TVP23C: variants seen among roughly 807,000 people sequenced by gnomAD.
TVP23C encodes the protein trans-golgi network vesicle protein 23 homolog C.
In TVP23C, 19 loss-of-function variants were observed where a neutral mutation model predicts 28.7. The observed-to-expected ratio is 0.66, with a 90% CI of 0.46 to 0.97. TVP23C has a LOEUF of 0.97. Ranked by LOEUF, TVP23C falls within the 50% of genes least tolerant of loss-of-function variation. The probability of loss-of-function intolerance (pLI) is 0.00; values close to 1 mark genes in which losing one functional copy is unlikely to be tolerated. For missense variants in TVP23C, 186 were observed against 241.3 expected (o/e 0.77, Z 1.52); for synonymous variants, 68 against 81.7 (o/e 0.83, Z 0.90).
rs566704921 is a variant in TVP23C at position 15,558,069 on chromosome 17, G to T, written c.13-2705C>A. Reference sequence around the variant, plus strand: ...AAAAACAAACAAACAAACAAAAAAAGGCTGATACTTGGGTCCAGCCCTCAG... The same window carrying T: ...AAAAACAAACAAACAAACAAAAAAATGCTGATACTTGGGTCCAGCCCTCAG... On this transcript the variant is annotated intron_variant, in intron 1 of 5. Coordinates refer to ENST00000518321, the MANE Select transcript of TVP23C (RefSeq NM_001135036.2). 3.9e-4 allele frequency among the ~76,000 whole-genome samples: 58 copies of T among 149,276 alleles called. 6 individuals carry two copies. Among genetic ancestry groups the T allele is most frequent in the Non-Finnish European group, 6.6e-4 (44 of 66,746 alleles).
intron 1 of TVP23C, chr17:15,563,199 G>A (rs1486469774): frequency 1.6e-6 from 1 of 634,220 alleles, no homozygotes; most frequent in Non-Finnish European, 2.6e-6. Flanking sequence ...TTAACAATGG[G>A]CGTCCCCACA....
At chr17:15,536,051 G>A (rs991940647), downstream of TVP23C, among the ~76,000 whole-genome samples, 5 of 152,086 alleles carry the variant, frequency 3.3e-5, no homozygotes, top group Admixed American at 1.3e-4. Flanking sequence ...AATTAGCCAG[G>A]TGTAGTGGCA....
intron 5 of TVP23C, among the ~76,000 whole-genome samples, chr17:15,515,364 G>A (rs1026953463): frequency 6.6e-5 from 10 of 152,244 alleles, no homozygotes; most frequent in South Asian, 6.2e-4. Flanking sequence ...TCATGTAAGC[G>A]TCTGCTCCTG....
intron 5 of TVP23C, among the ~76,000 whole-genome samples, chr17:15,526,487 A>T (rs2938174): frequency 6.6e-6 from 1 of 152,224 alleles, no homozygotes; most frequent in Non-Finnish European, 1.5e-5. Flanking sequence ...CTGTGTCTAC[A>T]GTACCTGTCT....
chr17:15,539,586 G>C lies in TVP23C; in HGVS notation c.*826C>G. 8 of 951,570 alleles carry C rather than the reference G, an allele frequency of 8.4e-6. No individual in the cohort carries two copies. The highest frequency in any genetic ancestry group is 4.9e-5 in the South Asian group (1 of 20,440). 58.9% of individuals were successfully genotyped at this position (951,570 alleles called of 1,614,324 possible). ...CCACTGCACTCCAGCCTGGGCGACA[G>C]AGCAAGACTCCATCTCAAGAAAAAA... On this transcript the variant is annotated 3_prime_UTR_variant, in exon 6 of 6. Transcript: ENST00000518321.
At chr17:15,507,074 A>G in intron 5 of TVP23C, 1 of 1,174,648 alleles carries the variant, frequency 8.5e-7, no homozygotes, top group Admixed American at 1.7e-5. Context: ...TTCACATGCC[A>G]TAATGGCACT....
At chr17:15,519,628 T>C (rs761371858) in intron 5 of TVP23C, among the ~76,000 whole-genome samples, 25 of 152,132 alleles carry the variant, frequency 1.6e-4, no homozygotes, top group Non-Finnish European at 3.4e-4. Flanking sequence ...TGTCAGTTGG[T>C]GGCCAGGCGC....
chr17:15,503,768 A>G (rs143413968), intron 5 of TVP23C, among the ~76,000 whole-genome samples: 11 of 152,288 alleles, frequency 7.2e-5, no homozygotes, highest in Non-Finnish European at 1.6e-4. Context: ...AGTGGTTGTT[A>G]TGGTTAGGAA....
intron 5 of TVP23C, among the ~76,000 whole-genome samples, chr17:15,506,363 G>A (rs1981740657): frequency 6.6e-6 from 1 of 151,828 alleles, no homozygotes; most frequent in South Asian, 2.1e-4. Flanking sequence ...GGGTTTGTGA[G>A]TGCACCAGTC....
At chr17:15,549,863 C>G (rs1372841385) in intron 3 of TVP23C, among the ~76,000 whole-genome samples, 1 of 150,486 alleles carries the variant, frequency 6.6e-6, no homozygotes, top group Non-Finnish European at 1.5e-5. Flanking sequence ...GAAGGGAATA[C>G]AGGAGAAGAA....
chr17:15,529,904 T>C (rs1982883708), intron 5 of TVP23C, among the ~76,000 whole-genome samples: 1 of 152,100 alleles, frequency 6.6e-6, no homozygotes, highest in Non-Finnish European at 1.5e-5. Context: ...GTTCAAGTGA[T>C]TCTCATCCCT....
At chr17:15,560,494 T>C (rs752339787) in intron 1 of TVP23C, among the ~76,000 whole-genome samples, 1 of 149,534 alleles carries the variant, frequency 6.7e-6, no homozygotes, top group Non-Finnish European at 1.5e-5. Context: ...CAAGTATATA[T>C]GATACAAGTC....
At chr17:15,552,131 T>C (rs1347442845) in intron 3 of TVP23C, among the ~76,000 whole-genome samples, 2 of 152,196 alleles carry the variant, frequency 1.3e-5, no homozygotes, top group Non-Finnish European at 2.9e-5. Context: ...CAGGAAGAAC[T>C]GACTGGAAAG....
rs776266098 is a variant in TVP23C, at chr17:15,502,971, A to C, written c.724T>G (p.Phe242Val). 5 of 1,614,066 alleles carry C rather than the reference A, an allele frequency of 3.1e-6. No homozygotes were observed. The African/African-American group carries it at 5.3e-5, about 17-fold the overall frequency. Reference sequence around the variant, plus strand: ...CAGGCCCAAAGCCGCAAGGAGAGAAATAGGCGGGCGGGCGCCATCTGTTGG... The same window carrying C: ...CAGGCCCAAAGCCGCAAGGAGAGAACTAGGCGGGCGGGCGCCATCTGTTGG... Residue 242 changes from phenylalanine (F) to valine (V), a missense_variant, in exon 6 of 6, where the codon TTT becomes GTT. By Grantham distance (50) the Phe-to-Val change is conservative (BLOSUM62 -1). Transcript: ENST00000225576.
chr17:15,524,062 GGGTGT>G (rs1288144784), intron 5 of TVP23C, among the ~76,000 whole-genome samples: 126 of 128,848 alleles, frequency 9.8e-4, no homozygotes, highest in African/African-American at 3.7e-3. Flanking sequence ...TAGCAGAGTG[GGGTGT>G]GTGTGTGTGT....
chr17:15,555,444 C>T, intron 1 of TVP23C, 80 bp from the exon 2 acceptor site: 4 of 1,556,028 alleles, frequency 2.6e-6, no homozygotes, highest in Non-Finnish European at 3.5e-6. Flanking sequence ...GCTGCATACT[C>T]ATCAAAATAG....
At chr17:15,546,301 G>A (rs530461809) in intron 4 of TVP23C, among the ~76,000 whole-genome samples, 2 of 152,122 alleles carry the variant, frequency 1.3e-5, no homozygotes, top group South Asian at 4.1e-4. Context: ...GTCAAATTAG[G>A]GTCCAGAGGG....
rs1481822650 is a variant in TVP23C at position 15,537,543 on chromosome 17, A to T, written c.*2869T>A. On this transcript the variant is annotated 3_prime_UTR_variant, in exon 6 of 6. Transcript: ENST00000518321. ...GATAACTTCTTACAAACAAAAATAAAATTTTATAAAGTAGTTAATACCACT... is the reference window on the plus strand; with the variant it reads ...GATAACTTCTTACAAACAAAAATAATATTTTATAAAGTAGTTAATACCACT... 2.4e-5 allele frequency: 24 copies of T among 983,512 alleles called. No individual in the cohort carries two copies. Among genetic ancestry groups the T allele is most frequent in the African/African-American group, 3.5e-5 (2 of 57,184 alleles). The allele number at this position is 983,512 out of a possible 1,614,324, so 60.9% of individuals were successfully genotyped here.
chr17:15,558,906 C>G lies in TVP23C; in HGVS notation c.13-3542G>C, dbSNP rs140643299. Among the ~76,000 whole-genome samples, 215 of 147,420 alleles carry G rather than the reference C, an allele frequency of 1.5e-3. 4 individuals carry two copies. Among genetic ancestry groups the G allele is most frequent in the African/African-American group, 4.9e-3 (200 of 40,998 alleles). ...TTTGACACAGGGTCTGGCTCTCGCCCAGGCTGGAGTGCAGTGGAACAATCA... is the reference window on the plus strand; with the variant it reads ...TTTGACACAGGGTCTGGCTCTCGCCGAGGCTGGAGTGCAGTGGAACAATCA... On this transcript the variant is annotated intron_variant, in intron 1 of 5. Coordinates refer to ENST00000518321, the MANE Select transcript of TVP23C (RefSeq NM_001135036.2).
Sources: gnomAD v4.1 joint callset for allele counts (sites outside exome capture counted in the v4.1 genomes callset) on GRCh38, gnomAD v4.1.1 for gene constraint, MANE v1.5 for transcripts, NCBI Gene and HGNC (gene_info 2026-07-23, HGNC 2026-07-21) for gene names.